FOXN3: variants seen among roughly 807,000 people sequenced by gnomAD.
FOXN3 encodes forkhead box N3.
In FOXN3, 7 loss-of-function variants were observed where a neutral mutation model predicts 38.4. The ratio of observed to expected loss-of-function variants is 0.18; its 90% CI spans 0.10 to 0.34. The LOEUF is 0.34. Ranked by LOEUF, FOXN3 falls within the 10% of genes least tolerant of loss-of-function variation. FOXN3 has a pLI of 1.00. For synonymous variants in FOXN3, 230 were observed against 242.2 expected (o/e 0.95, Z 0.47); for missense variants, 456 against 613.4 (o/e 0.74, Z 2.71).
Position 89,516,539 on chromosome 14 carries a change from C to G in FOXN3, c.-15+102489G>C, listed in dbSNP as rs935184724. Among the ~76,000 whole-genome samples, 9 of 149,410 alleles carry G rather than the reference C, an allele frequency of 6.0e-5. No individual in the cohort carries two copies. In the Admixed American group the frequency reaches 6.1e-4, roughly 10 times the overall value. ...ACATGCAAAGTTCCGTGCTAGGCAC[C>G]GTGTTTCAGGCTGCCAGTAGTTTTT... On this transcript the variant is annotated intron_variant, in intron 1 of 6. Coordinates refer to the FOXN3 transcript ENST00000345097.
chr14:89,391,118 G>T (rs1027056538), intron 2 of FOXN3, among the ~76,000 whole-genome samples: 1 of 152,188 alleles, frequency 6.6e-6, no homozygotes, highest in Non-Finnish European at 1.5e-5. Context: ...TGAAAACTTT[G>T]TAAGAGAAAA....
chr14:89,162,764 C>T lies in FOXN3; in HGVS notation c.1057G>A (p.Glu353Lys), dbSNP rs1887138435. 2.5e-6 allele frequency: 4 copies of T among 1,612,934 alleles called. No individual in the cohort carries two copies. The highest frequency in any genetic ancestry group is 1.7e-5 in the Admixed American group (1 of 60,006). The change falls in exon 6 of 6, where the codon GAG becomes AAG. Residue 353 changes from glutamate (E) to lysine (K), a missense_variant. Physicochemically the swap from Glu to Lys is moderately conservative, Grantham distance 56. This residue lies in a region of FOXN3 where 386 missense variants were observed against 505.2 expected (regional missense o/e 0.76). Coordinates refer to ENST00000557258, the MANE Select transcript of FOXN3 (RefSeq NM_005197.4). The surrounding 1 kb of genome is among the most constrained non-coding windows in gnomAD (Gnocchi z 7.2). ...HYEFATKGSQ[E>K]GSEGSEGSFR... ...CTCCCCTCGCTGCCCTCGCTGCCCT[C>T]CTGGCTCCCCTTGGTGGCAAACTCA...
chr14:89,267,632 A>G (rs1369464955), intron 4 of FOXN3, among the ~76,000 whole-genome samples: 3 of 152,246 alleles, frequency 2.0e-5, no homozygotes. Flanking sequence ...TCCAGGTCAG[A>G]ACCAAAGATA....
chr14:89,311,328 C>T (rs1887539291), intron 3 of FOXN3, among the ~76,000 whole-genome samples: 1 of 150,094 alleles, frequency 6.7e-6, no homozygotes, highest in South Asian at 2.1e-4. Flanking sequence ...AAAAATTAGT[C>T]AGGCATGGTG....
chr14:89,280,895 T>C (rs929978208), intron 4 of FOXN3, 55 bp downstream of exon 4: 6 of 1,489,474 alleles, frequency 4.0e-6, no homozygotes, highest in Middle Eastern at 3.4e-4. Context: ...AAAGGAGTGA[T>C]GAAAGGCGGG....
intron 1 of FOXN3, among the ~76,000 whole-genome samples, chr14:89,541,789 C>T (rs1319928154): frequency 6.6e-6 from 1 of 152,110 alleles, no homozygotes; most frequent in Non-Finnish European, 1.5e-5. Context: ...GATTTTGCTC[C>T]CTGCTCTGCC....
chr14:89,337,394 C>T (rs893200573), intron 3 of FOXN3, among the ~76,000 whole-genome samples: 13 of 152,060 alleles, frequency 8.5e-5, no homozygotes, highest in South Asian at 2.1e-4. Context: ...GATTTAAACA[C>T]GGATTATGTA....
intron 4 of FOXN3, among the ~76,000 whole-genome samples, chr14:89,278,323 G>GC (rs1886360365): frequency 6.6e-6 from 1 of 151,968 alleles, no homozygotes; most frequent in Non-Finnish European, 1.5e-5. Context: ...GTGGGAAACC[G>GC]CCCCATGATT....
chr14:89,174,032 C>T (rs1363972036), intron 5 of FOXN3, among the ~76,000 whole-genome samples: 1 of 151,940 alleles, frequency 6.6e-6, no homozygotes, highest in African/African-American at 2.4e-5. Context: ...CAGTAGCCTC[C>T]CCAAACTGTA....
Position 89,158,661 on chromosome 14 carries a change from G to A in FOXN3, c.*3753C>T, listed in dbSNP as rs1170767630. On this transcript the variant is annotated 3_prime_UTR_variant, in exon 6 of 6. Transcript: ENST00000557258. ...CTATGATGCAAACCCTTTCCACATA[G>A]TACTAGATAAAGACAAAAGACAATT... The A allele has an allele frequency of 6.6e-6, 1 of 152,448 alleles. No individual in the cohort carries two copies. Among genetic ancestry groups the A allele is most frequent in the African/African-American group, 2.4e-5 (1 of 41,394 alleles). The allele number at this position is 152,448 out of a possible 1,614,324, so 9.4% of individuals were successfully genotyped here.
chr14:89,184,264 A>T (rs969855217), intron 4 of FOXN3: 1 of 152,272 alleles, frequency 6.6e-6, no homozygotes, highest in African/African-American at 2.4e-5. Flanking sequence ...AACACCCAAA[A>T]CACGTAAAGT....
At chr14:89,533,791 C>T (rs180679463) in intron 1 of FOXN3, among the ~76,000 whole-genome samples, 1 of 151,854 alleles carries the variant, frequency 6.6e-6, no homozygotes. Flanking sequence ...CCTGGTCTTC[C>T]CTGGAAATCC....
rs571091199 is a variant in FOXN3, at chr14:89,341,471, T to C, written c.680+9201A>G. 1.3e-4 allele frequency among the ~76,000 whole-genome samples: 20 copies of C among 152,286 alleles called. No individual in the cohort carries two copies. The South Asian group carries it at 4.1e-3, about 32-fold the overall frequency. On this transcript the variant is annotated intron_variant, in intron 3 of 5. Coordinates refer to ENST00000557258, the MANE Select transcript of FOXN3 (RefSeq NM_005197.4). Reference sequence around the variant, plus strand: ...TTCCTTATCAATCCCCCATTCTATGTTCTTCAAATCTTTTATGAATGATGG... The same window carrying C: ...TTCCTTATCAATCCCCCATTCTATGCTCTTCAAATCTTTTATGAATGATGG...
chr14:89,587,169 G>T (rs1895857389), intron 1 of FOXN3, among the ~76,000 whole-genome samples: 1 of 152,218 alleles, frequency 6.6e-6, no homozygotes, highest in Non-Finnish European at 1.5e-5. Context: ...CTCTTTTTCG[G>T]GGGAACCCCG....
chr14:89,441,384 A>G (rs1380503509), intron 1 of FOXN3, among the ~76,000 whole-genome samples: 1 of 152,080 alleles, frequency 6.6e-6, no homozygotes, highest in East Asian at 1.9e-4. Flanking sequence ...CATACCATTC[A>G]CCTTACGTTA....
At chr14:89,425,766 T>C (rs949827190) in intron 1 of FOXN3, among the ~76,000 whole-genome samples, 1 of 152,228 alleles carries the variant, frequency 6.6e-6, no homozygotes, top group African/African-American at 2.4e-5. Context: ...AATATGGGGT[T>C]AGGTTCCTGT....
At chr14:89,471,340 G>C (rs1893090291) in intron 1 of FOXN3, among the ~76,000 whole-genome samples, 2 of 152,172 alleles carry the variant, frequency 1.3e-5, no homozygotes, top group Non-Finnish European at 2.9e-5. Context: ...GGTGGCTCGT[G>C]CCTGTAGTCC....
At chr14:89,539,063 C>T (rs577043797) in intron 1 of FOXN3, among the ~76,000 whole-genome samples, 11 of 152,116 alleles carry the variant, frequency 7.2e-5, no homozygotes, top group African/African-American at 1.9e-4. Flanking sequence ...AGGCTGGTCT[C>T]GAACTCCTGA....
chr14:89,302,219 T>G (rs1385149033), intron 3 of FOXN3, among the ~76,000 whole-genome samples: 1 of 152,202 alleles, frequency 6.6e-6, no homozygotes, highest in Non-Finnish European at 1.5e-5. Flanking sequence ...GGAAGTGAAC[T>G]GAGGCAAATA....
Sources: gnomAD v4.1 joint callset for allele counts (sites outside exome capture counted in the v4.1 genomes callset) on GRCh38, gnomAD v4.1.1 for gene constraint, gnomAD v4.1.1 regional missense constraint, Gnocchi (gnomAD v3.1) non-coding constraint, MANE v1.5 for transcripts, NCBI Gene and HGNC (gene_info 2026-07-23, HGNC 2026-07-21) for gene names.